Variants in GLDN observed in about 807,000 individuals in gnomAD.
The protein encoded by GLDN is gliomedin.
A neutral mutation model predicts 56.5 loss-of-function variants in GLDN; 47 were observed. That is an observed-to-expected ratio of 0.83 (90% CI 0.66 to 1.06). The LOEUF (loss-of-function observed/expected upper bound fraction) is 1.06. Ranked by LOEUF, GLDN falls within the 50% of genes least tolerant of loss-of-function variation. The probability of loss-of-function intolerance (pLI) is 0.00; values close to 1 mark genes in which losing one functional copy is unlikely to be tolerated. For synonymous variants in GLDN, 332 were observed against 278.8 expected (o/e 1.19, Z -1.90); for missense variants, 782 against 714.3 (o/e 1.09, Z -1.08).
intron 3 of GLDN, 80 bp downstream of exon 3, chr15:51,383,533 G>T: frequency 6.5e-7 from 1 of 1,531,098 alleles, no homozygotes; most frequent in Non-Finnish European, 9.0e-7. Flanking sequence ...GGACAGATGC[G>T]GGGAGGGCAA....
rs2038341787 is a variant in GLDN, at chr15:51,404,850, T to G, written c.*96T>G. On this transcript the variant is annotated 3_prime_UTR_variant, in exon 10 of 10. Coordinates refer to ENST00000335449, the MANE Select transcript of GLDN (RefSeq NM_181789.4). Reference sequence around the variant, plus strand: ...TTGTTTTTTTAACGTCAGCCAGATATTTAGAAAATAACCTCAAAAGTGTTT... The same window carrying G: ...TTGTTTTTTTAACGTCAGCCAGATAGTTAGAAAATAACCTCAAAAGTGTTT... 1 of 695,838 alleles carries G rather than the reference T, an allele frequency of 1.4e-6. No individual in the cohort carries two copies. Among genetic ancestry groups the G allele is most frequent in the African/African-American group, 1.8e-5 (1 of 56,414 alleles). The allele number at this position is 695,838 out of a possible 1,614,324, so 43.1% of individuals were successfully genotyped here. A position where few individuals can be genotyped will look rare whatever the true frequency, so the allele number is the denominator to read the frequency against.
chr15:51,362,206 C>T (rs1042702127), intron 1 of GLDN, among the ~76,000 whole-genome samples: 21 of 152,010 alleles, frequency 1.4e-4, no homozygotes, highest in African/African-American at 5.1e-4. Flanking sequence ...AGGTCAGGGC[C>T]GGGCATGGTG....
rs577299590 is a variant in GLDN, at chr15:51,406,005, G to A, written c.*1251G>A. 7 of 152,298 alleles carry A rather than the reference G, an allele frequency of 4.6e-5. 1 individual carries two copies. In the South Asian group the frequency reaches 1.4e-3, roughly 32 times the overall value. The allele number at this position is 152,298 out of a possible 1,614,324, so 9.4% of individuals were successfully genotyped here. On this transcript the variant is annotated 3_prime_UTR_variant, in exon 10 of 10. Coordinates refer to ENST00000335449, the MANE Select transcript of GLDN (RefSeq NM_181789.4). ...GCTGACTCCTGATAAAGAATATAAA[G>A]TGAGCCTGATTCTTGAAAAAATCAG... is the stretch of plus-strand genomic sequence containing the variant.
At chr15:51,382,217 C>T (rs1448217817) in intron 2 of GLDN, among the ~76,000 whole-genome samples, 1 of 152,188 alleles carries the variant, frequency 6.6e-6, no homozygotes, top group African/African-American at 2.4e-5. Context: ...CAGACCACTG[C>T]ATGCCCACAC....
At chr15:51,354,605 G>C (rs2037139262) in intron 1 of GLDN, among the ~76,000 whole-genome samples, 1 of 152,204 alleles carries the variant, frequency 6.6e-6, no homozygotes, top group African/African-American at 2.4e-5. Flanking sequence ...TATGAGCCAA[G>C]GTCTAGGGAT....
At chr15:51,347,218 A>C (rs1457159120) in intron 1 of GLDN, among the ~76,000 whole-genome samples, 1 of 152,210 alleles carries the variant, frequency 6.6e-6, no homozygotes, top group African/African-American at 2.4e-5. Flanking sequence ...AAAATGAGAC[A>C]GTTCTCAGGC....
At chr15:51,349,432 A>G (rs1431863109) in intron 1 of GLDN, among the ~76,000 whole-genome samples, 1 of 152,274 alleles carries the variant, frequency 6.6e-6, no homozygotes, top group African/African-American at 2.4e-5. Context: ...TGTACAGGCT[A>G]TGAAGAATGG....
At chr15:51,397,746 CAGG>C in intron 6 of GLDN, 148 bp downstream of exon 6, 2 of 1,087,368 alleles carry the variant, frequency 1.8e-6, no homozygotes, top group South Asian at 3.0e-5. Context: ...AAACTTCTCA[CAGG>C]AGTTCTTTGT....
intron 4 of GLDN, among the ~76,000 whole-genome samples, chr15:51,385,954 A>G (rs1195186907): frequency 2.0e-5 from 3 of 152,194 alleles, no homozygotes; most frequent in African/African-American, 4.8e-5. Flanking sequence ...GAACAGTGCT[A>G]TGCCTGACAT....
At chr15:51,400,319 A>G in intron 7 of GLDN, 44 bp downstream of exon 7, 3 of 1,614,068 alleles carry the variant, frequency 1.9e-6, no homozygotes, top group Non-Finnish European at 2.5e-6. Context: ...GAAATTGAAT[A>G]CCTTCAAGTC....
At chr15:51,364,875 T>A (rs776527835) in intron 1 of GLDN, among the ~76,000 whole-genome samples, 117 of 152,190 alleles carry the variant, frequency 7.7e-4, no homozygotes, top group Non-Finnish European at 1.4e-3. Context: ...ACCCTTTAAT[T>A]ACCAAGGGGA....
intron 1 of GLDN, among the ~76,000 whole-genome samples, chr15:51,361,972 G>A (rs544512251): frequency 6.6e-6 from 1 of 152,112 alleles, no homozygotes; most frequent in Non-Finnish European, 1.5e-5. Context: ...GGATTAGGGA[G>A]GGGTAATAGG....
rs1331861509 is a variant in GLDN, at chr15:51,405,297, A to G, written c.*543A>G. The G allele has an allele frequency of 6.6e-6, 1 of 151,594 alleles. No individual in the cohort carries two copies. Among genetic ancestry groups the G allele is most frequent in the Admixed American group, 6.5e-5 (1 of 15,268 alleles). 9.4% of individuals were successfully genotyped at this position (151,594 alleles called of 1,614,324 possible). On this transcript the variant is annotated 3_prime_UTR_variant, in exon 10 of 10. Coordinates refer to ENST00000335449, the MANE Select transcript of GLDN (RefSeq NM_181789.4). ...GCTTTTCTTTGCATCTGCACCTGCC[A>G]CCACAGAATAACCATTACCCTCAGC...
At position 51,406,113 on chromosome 15, in the gene GLDN, A is replaced by G. The variant is rs193140639; in HGVS notation, c.*1359A>G. On this transcript the variant is annotated 3_prime_UTR_variant, in exon 10 of 10. Transcript: ENST00000335449. The stretch of plus-strand genomic sequence containing the variant: ...GTTTTGAGTAGAGGGGAAGGCTGAT[A>G]ACGGCGTAAGATGAAGTGGCCCTCC... 3.3e-4 allele frequency: 50 copies of G among 152,346 alleles called. No homozygotes were observed. Among genetic ancestry groups the G allele is most frequent in the African/African-American group, 1.2e-3 (49 of 41,588 alleles). The allele number at this position is 152,346 out of a possible 1,614,324, so 9.4% of individuals were successfully genotyped here.
At chr15:51,379,194 C>T (rs28619121) in intron 2 of GLDN, among the ~76,000 whole-genome samples, 14,809 of 152,206 alleles carry the variant, frequency 0.097, 1,439 homozygotes, top group African/African-American at 0.24. Flanking sequence ...ATTAGTTATT[C>T]TGCTAGTACA....
chr15:51,387,849 G>A (rs1037907167), intron 4 of GLDN, among the ~76,000 whole-genome samples: 13 of 151,948 alleles, frequency 8.6e-5, no homozygotes, highest in East Asian at 5.8e-4. Flanking sequence ...ATTTACTGCC[G>A]GACACTCCAC....
Position 51,377,239 on chromosome 15 carries a change from A to C in GLDN, c.364-210A>C, listed in dbSNP as rs563977142. 5 of 568,722 alleles carry C rather than the reference A, an allele frequency of 8.8e-6. No individual in the cohort carries two copies. In the Admixed American group the frequency reaches 1.0e-4, roughly 11 times the overall value. The allele number at this position is 568,722 out of a possible 1,614,324, so 35.2% of individuals were successfully genotyped here. ...CTGGACAAATGAGGTTTGCAGCTCC[A>C]TTGTAATCTTATGAAATCACCATTG... On this transcript the variant is annotated intron_variant, in intron 1 of 9. Transcript: ENST00000335449.
intron 2 of GLDN, among the ~76,000 whole-genome samples, chr15:51,379,930 A>G (rs1159106122): frequency 6.6e-6 from 1 of 152,214 alleles, no homozygotes; most frequent in African/African-American, 2.4e-5. Flanking sequence ...TCCATGAAGC[A>G]TAGAATACTT....
chr15:51,354,280 G>A (rs936060684), intron 1 of GLDN, among the ~76,000 whole-genome samples: 1 of 152,184 alleles, frequency 6.6e-6, no homozygotes, highest in South Asian at 2.1e-4. Flanking sequence ...AAAATGTTGA[G>A]CTGGTGATGG....
Sources: gnomAD v4.1 joint callset for allele counts (sites outside exome capture counted in the v4.1 genomes callset) on GRCh38, gnomAD v4.1.1 for gene constraint, MANE v1.5 for transcripts, NCBI Gene and HGNC (gene_info 2026-07-23, HGNC 2026-07-21) for gene names.